Variants in YTHDC2 observed in about 807,000 individuals in gnomAD.
The protein encoded by YTHDC2 is 3'-5' RNA helicase YTHDC2.
A neutral mutation model predicts 174.9 loss-of-function variants in YTHDC2; 45 were observed. The observed-to-expected ratio is 0.26, with a 90% CI of 0.20 to 0.33. The LOEUF is 0.33. Ranked by LOEUF, YTHDC2 falls within the 10% of genes least tolerant of loss-of-function variation. The pLI, the probability that YTHDC2 is intolerant of heterozygous loss-of-function variation, is 1.00. For synonymous variants in YTHDC2, 657 were observed against 574.5 expected, an observed-to-expected ratio of 1.14 and a Z score of -2.05; for missense variants, 1,650 against 1,723.7, an observed-to-expected ratio of 0.96 and a Z score of 0.76.
intron 4 of YTHDC2, 152 bp from the exon 5 acceptor site, chr5:113,532,727 G>T: frequency 3.6e-6 from 2 of 562,628 alleles, no homozygotes; most frequent in South Asian, 3.7e-5. Context: ...ACATTTTTTA[G>T]CTGATTACTA....
intron 2 of YTHDC2, among the ~76,000 whole-genome samples, chr5:113,524,588 A>C (rs7732310): frequency 3.3e-5 from 5 of 151,976 alleles, no homozygotes; most frequent in African/African-American, 1.2e-4. Flanking sequence ...TCTGAACTAT[A>C]GACCATAACT....
chr5:113,573,620 G>T (rs1777865277), intron 23 of YTHDC2, among the ~76,000 whole-genome samples: 1 of 152,004 alleles, frequency 6.6e-6, no homozygotes, highest in Admixed American at 6.6e-5. Flanking sequence ...TATAGGTTCA[G>T]CCTCTTTATA....
At chr5:113,588,158 A>G (rs1190236317) in intron 26 of YTHDC2, among the ~76,000 whole-genome samples, 1 of 151,992 alleles carries the variant, frequency 6.6e-6, no homozygotes, top group African/African-American at 2.4e-5. Context: ...AATAAAGATA[A>G]TTTTACTCTT....
chr5:113,582,252 A>T (rs1046267437), intron 25 of YTHDC2: 1 of 152,222 alleles, frequency 6.6e-6, no homozygotes, highest in Admixed American at 6.5e-5. Context: ...GAGGATATAC[A>T]TTTGATTGAG....
In YTHDC2 at chr5:113,591,088, C is replaced by T. The variant is rs1178497287; in HGVS notation, c.3873C>T (p.Phe1291=). ...SPRPNMPVRY[F]IMKSSNLRNL... is the part of the protein sequence containing the mutation. ...GACCAAACATGCCTGTTCGATACTT[C>T]ATAATGAAGAGTAGCAATTTGAGAA... Residue 1291 remains phenylalanine (F), a synonymous_variant, in exon 27 of 30, where the codon TTC becomes TTT. Coordinates refer to ENST00000161863, the MANE Select transcript of YTHDC2 (RefSeq NM_022828.5). The T allele has an allele frequency of 4.3e-6, 7 of 1,613,926 alleles. No homozygotes were observed. Among genetic ancestry groups the T allele is most frequent in the Non-Finnish European group, 5.9e-6 (7 of 1,179,880 alleles).
In YTHDC2 at chr5:113,563,434, T is replaced by C. The variant is rs559215760; in HGVS notation, c.2384T>C (p.Met795Thr). The C allele has an allele frequency of 2.4e-5, 39 of 1,611,614 alleles. No homozygotes were observed. The East Asian group carries it at 5.4e-4, about 22-fold the overall frequency. ...AATTGTCCCATTGCTGATTTTCTTA[T>C]GAAAGCTCCTGAACCTCCACCAGCT... ...PVNCPIADFL[M>T]KAPEPPPALI... The change falls in exon 19 of 30, where the codon ATG becomes ACG. Residue 795 changes from methionine (M) to threonine (T), a missense_variant. Transcript: ENST00000161863.
chr5:113,516,561 A>G (rs983062351), intron 2 of YTHDC2, among the ~76,000 whole-genome samples: 1 of 152,194 alleles, frequency 6.6e-6, no homozygotes, highest in African/African-American at 2.4e-5. Context: ...GGTGTTTAAC[A>G]GCATCCATAG....
At chr5:113,524,546 A>G (rs1415344424) in intron 2 of YTHDC2, among the ~76,000 whole-genome samples, 1 of 152,130 alleles carries the variant, frequency 6.6e-6, no homozygotes, top group East Asian at 1.9e-4. Flanking sequence ...CATTACCAAC[A>G]TACTGTGGAA....
At chr5:113,519,042 A>AT (rs11294787) in intron 2 of YTHDC2, among the ~76,000 whole-genome samples, 19,696 of 147,534 alleles carry the variant, frequency 0.13, 1,530 homozygotes, top group Non-Finnish European at 0.19. Flanking sequence ...CTAATTTAAG[A>AT]TTTTTTTTTT....
chr5:113,538,012 G>T (rs1451870042), intron 7 of YTHDC2, among the ~76,000 whole-genome samples: 2 of 151,964 alleles, frequency 1.3e-5, no homozygotes, highest in Non-Finnish European at 2.9e-5. Context: ...GTTCTTTTCA[G>T]GTTTCTTTGT....
In YTHDC2 at chr5:113,522,685, A is replaced by G. The variant is rs139989426; in HGVS notation, c.279-2296A>G. On this transcript the variant is annotated intron_variant, in intron 2 of 29. Transcript: ENST00000161863. ...ATGAAAGCATAATAAGGAGTTCTCA[A>G]TTTGTTAGTTTACGTAGTATGACAA... Among the ~76,000 whole-genome samples the G allele has an allele frequency of 2.6e-5, 4 of 152,270 alleles. No homozygotes were observed. In the East Asian group the frequency reaches 5.8e-4, roughly 22 times the overall value.
At chr5:113,590,922 A>G (rs776568181) in intron 26 of YTHDC2, 119 bp from the exon 27 acceptor site, 13 of 827,944 alleles carry the variant, frequency 1.6e-5, no homozygotes, top group African/African-American at 8.7e-5. Context: ...AGCTATTTGC[A>G]TTTGTTGAAT....
In YTHDC2 at chr5:113,578,602, T is replaced by C. The variant is rs1431706576; in HGVS notation, c.3245-984T>C. 3.9e-5 allele frequency among the ~76,000 whole-genome samples: 6 copies of C among 152,232 alleles called. No individual in the cohort carries two copies. The South Asian group carries it at 1.0e-3, about 26-fold the overall frequency. ...TCTAACATTTTATTTAAAACTTATATTTATCTTCATTGGGGAGGCTGACCT... is the reference window on the plus strand; with the variant it reads ...TCTAACATTTTATTTAAAACTTATACTTATCTTCATTGGGGAGGCTGACCT... On this transcript the variant is annotated intron_variant, in intron 23 of 29. Coordinates refer to ENST00000161863, the MANE Select transcript of YTHDC2 (RefSeq NM_022828.5).
Position 113,594,470 on chromosome 5 carries a change from A to G in YTHDC2, c.*996A>G, listed in dbSNP as rs979010259. 6.6e-6 allele frequency: 1 copy of G among 151,992 alleles called. No individual in the cohort carries two copies. The highest frequency in any genetic ancestry group is 2.4e-5 in the African/African-American group (1 of 41,378). 9.4% of individuals were successfully genotyped at this position (151,992 alleles called of 1,614,324 possible). On this transcript the variant is annotated 3_prime_UTR_variant, in exon 30 of 30. Transcript: ENST00000161863. ...TTCCATTTTTTTTCAGTATGTTTTC[A>G]CTGGCTTATGTTTTCAGATATGATT...
At position 113,553,576 on chromosome 5, in the gene YTHDC2, C is replaced by A; in HGVS notation, c.1868-14C>A. The A allele has an allele frequency of 6.2e-7, 1 of 1,609,898 alleles. No homozygotes were observed. The highest frequency in any genetic ancestry group is 1.1e-5 in the South Asian group (1 of 90,402). Reference sequence around the variant, plus strand: ...ACAATGAGATTTAATATTAAAAAGTCATTCTTCTCCAAGGTGCAGTACTAA... The same window carrying A: ...ACAATGAGATTTAATATTAAAAAGTAATTCTTCTCCAAGGTGCAGTACTAA... On this transcript the variant is annotated splice_polypyrimidine_tract_variant and intron_variant, in intron 13 of 29. Coordinates refer to ENST00000161863, the MANE Select transcript of YTHDC2 (RefSeq NM_022828.5).
At chr5:113,583,471 T>A (rs1013965569) in intron 25 of YTHDC2, 1 of 152,084 alleles carries the variant, frequency 6.6e-6, no homozygotes, top group African/African-American at 2.4e-5. Context: ...CCTATGTATC[T>A]TTTATTTTTT....
At chr5:113,567,358 A>G in intron 22 of YTHDC2, 61 bp downstream of exon 22, 2 of 1,332,330 alleles carry the variant, frequency 1.5e-6, no homozygotes, top group Non-Finnish European at 2.0e-6. Context: ...GTTCACTATC[A>G]ATGAAAAATG....
At chr5:113,580,438 G>A (rs1487937911) in intron 24 of YTHDC2, among the ~76,000 whole-genome samples, 3 of 152,100 alleles carry the variant, frequency 2.0e-5, no homozygotes, top group Admixed American at 2.0e-4. Flanking sequence ...GAGGATGAAT[G>A]TTTCTTTTCA....
intron 26 of YTHDC2, among the ~76,000 whole-genome samples, chr5:113,587,800 T>G (rs949155856): frequency 3.3e-5 from 5 of 151,290 alleles, no homozygotes; most frequent in African/African-American, 9.7e-5. Context: ...TGCAGAAAAA[T>G]TTTTTGGTAT....
Sources: gnomAD v4.1 joint callset for allele counts (sites outside exome capture counted in the v4.1 genomes callset) on GRCh38, gnomAD v4.1.1 for gene constraint, MANE v1.5 for transcripts, NCBI Gene and HGNC (gene_info 2026-07-23, HGNC 2026-07-21) for gene names.